Variants in C6orf89 observed in about 807,000 individuals in gnomAD.
The protein encoded by C6orf89 is bombesin receptor-activated protein C6orf89.
C6orf89 carries 29 observed loss-of-function variants against 40.7 expected under a neutral mutation model. The observed-to-expected ratio is 0.71, with a 90% CI of 0.53 to 0.97. The LOEUF is 0.97. Among genes scored for constraint, C6orf89 ranks in the 50% least tolerant of loss-of-function variants. C6orf89 has a pLI of 0.00. For missense variants in C6orf89, 392 were observed against 429.1 expected (o/e 0.91, Z 0.76); for synonymous variants, 165 against 152.2 (o/e 1.08, Z -0.62).
chr6:36,904,097 C>T (rs1583176187), intron 4 of C6orf89, among the ~76,000 whole-genome samples: 2 of 152,290 alleles, frequency 1.3e-5, no homozygotes, highest in East Asian at 3.9e-4. Flanking sequence ...CTGTCTTCCC[C>T]TCAAAGCCTC....
rs531517736 is a variant in C6orf89, at chr6:36,875,136, A to C, written c.-628+3169A>C. On this transcript the variant is annotated intron_variant, in intron 1 of 9. Transcript: ENST00000359359. The stretch of plus-strand genomic sequence containing the variant: ...TAATATTAAATTCGAAGAATTTCTT[A>C]GTCTCACAATTGGGCAGGGACGGGA... 645 of 251,410 alleles carry C rather than the reference A, an allele frequency of 2.6e-3. 2 individuals are homozygous for C. Among genetic ancestry groups the C allele is most frequent in the Non-Finnish European group, 3.7e-3 (470 of 128,116 alleles). The allele number at this position is 251,410 out of a possible 1,614,324, so 15.6% of individuals were successfully genotyped here. A position where few individuals can be genotyped will look rare whatever the true frequency, so the allele number is the denominator to read the frequency against.
chr6:36,927,207 T>A lies in C6orf89; in HGVS notation c.*3766T>A, dbSNP rs1762709272. 6.6e-6 allele frequency: 1 copy of A among 152,236 alleles called. No individual in the cohort carries two copies. The highest frequency in any genetic ancestry group is 2.1e-4 in the South Asian group (1 of 4,832). The allele number at this position is 152,236 out of a possible 1,614,324, so 9.4% of individuals were successfully genotyped here. A position where few individuals can be genotyped will look rare whatever the true frequency, so the allele number is the denominator to read the frequency against. On this transcript the variant is annotated 3_prime_UTR_variant, in exon 9 of 9. Transcript: ENST00000480824. The stretch of plus-strand genomic sequence containing the variant: ...TTTACATCACTTGTTTTTCAATTCT[T>A]GGTTTTCTGTTCCCTTCTACCAAAA...
At chr6:36,890,542 T>TG (rs938091471) in intron 1 of C6orf89, among the ~76,000 whole-genome samples, 12 of 151,996 alleles carry the variant, frequency 7.9e-5, no homozygotes, top group African/African-American at 2.9e-4. Context: ...AAAAAAAATT[T>TG]TATTCTTTTG....
At position 36,899,409 on chromosome 6, in the gene C6orf89, C is replaced by G. The variant is rs763022315; in HGVS notation, c.-19-17C>G. 6.2e-7 allele frequency: 1 copy of G among 1,610,404 alleles called. No individual in the cohort carries two copies. On this transcript the variant is annotated splice_polypyrimidine_tract_variant and intron_variant, in intron 2 of 8. Transcript: ENST00000480824. ...CCACCTTTCTTTTTACATTTATTTT[C>G]TCTCCGTCTCTCTCAGGGATTTTAT...
At position 36,894,506 on chromosome 6, in the gene C6orf89, A is replaced by G; in HGVS notation, c.-117A>G. The G allele has an allele frequency of 1.0e-6, 1 of 985,048 alleles. No homozygotes were observed. The highest frequency in any genetic ancestry group is 1.2e-6 in the Non-Finnish European group (1 of 829,568). 61.0% of individuals were successfully genotyped at this position (985,048 alleles called of 1,614,324 possible). On this transcript the variant is annotated splice_region_variant and 5_prime_UTR_variant, in exon 2 of 9. Transcript: ENST00000480824. ...TTATCCCTTTACTCTATTTGCAGGA[A>G]TCATTGTAGTCAATCATTTTCCAGT...
intron 4 of C6orf89, among the ~76,000 whole-genome samples, chr6:36,909,142 A>C (rs576043406): frequency 3.5e-5 from 5 of 144,616 alleles, no homozygotes; most frequent in African/African-American, 1.3e-4. Context: ...TGATTCTGTG[A>C]CTCTTCTATA....
Position 36,899,530 on chromosome 6 carries a change from G to C in C6orf89, c.86G>C (p.Gly29Ala). ...DLVRQTGHQC[G>A]MSEKAIEKFI... ...GTGAGACAGACCGGCCATCAGTGTG[G>C]CATGTCAGAGAAGGCAATTGAAAAA... is the stretch of plus-strand genomic sequence containing the variant. Residue 29 changes from glycine to alanine, a missense_variant, in exon 3 of 9, where the codon GGC becomes GCC. Transcript: ENST00000480824. 6.2e-7 allele frequency: 1 copy of C among 1,614,072 alleles called. No individual in the cohort carries two copies. Among genetic ancestry groups the C allele is most frequent in the South Asian group, 1.1e-5 (1 of 91,078 alleles).
At position 36,885,980 on chromosome 6, in the gene C6orf89, G is replaced by A. The variant is rs1482793852; in HGVS notation, c.-168G>A. ...AAGTTGCCCATCCTCCTCGCCCGGC[G>A]GCAGCTGTCCCCGAGGCGGGAGGAG... is the stretch of plus-strand genomic sequence containing the variant. On this transcript the variant is annotated 5_prime_UTR_variant, in exon 1 of 9. Coordinates refer to ENST00000480824, the MANE Select transcript of C6orf89 (RefSeq NM_001286635.2). 1.6e-6 allele frequency: 2 copies of A among 1,251,864 alleles called. No homozygotes were observed. The highest frequency in any genetic ancestry group is 1.7e-5 in the African/African-American group (1 of 59,712). The allele number at this position is 1,251,864 out of a possible 1,614,324, so 77.5% of individuals were successfully genotyped here.
intron 2 of C6orf89, among the ~76,000 whole-genome samples, chr6:36,895,103 A>G (rs141140742): frequency 2.8e-3 from 426 of 152,198 alleles, no homozygotes; most frequent in Middle Eastern, 0.027. Flanking sequence ...CTTCTTCCCT[A>G]TGGTGCCATG....
Position 36,923,479 on chromosome 6 carries a change from A to G in C6orf89, c.*38A>G. On this transcript the variant is annotated 3_prime_UTR_variant, in exon 9 of 9. Coordinates refer to ENST00000480824, the MANE Select transcript of C6orf89 (RefSeq NM_001286635.2). ...TGCACAGGAACAGCTTCCAGAGCCG[A>G]AAACCAGGTTGAAAGGGGAAAAATA... 6.6e-7 allele frequency: 1 copy of G among 1,519,148 alleles called. No individual in the cohort carries two copies. Among genetic ancestry groups the G allele is most frequent in the Non-Finnish European group, 9.1e-7 (1 of 1,093,556 alleles). The allele number at this position is 1,519,148 out of a possible 1,614,324, so 94.1% of individuals were successfully genotyped here. A position where few individuals can be genotyped will look rare whatever the true frequency, so the allele number is the denominator to read the frequency against.
intron 3 of C6orf89, 86 bp from the exon 4 acceptor site, chr6:36,902,135 G>C (rs1013420282): frequency 1.7e-6 from 2 of 1,146,272 alleles, no homozygotes; most frequent in African/African-American, 3.1e-5. Context: ...GGAAGTAGCA[G>C]AAGAAGCCTG....
At chr6:36,899,765 GT>G in intron 3 of C6orf89, 132 bp downstream of exon 3, 2 of 761,178 alleles carry the variant, frequency 2.6e-6, no homozygotes, top group Non-Finnish European at 4.3e-6. Context: ...CTTTGCTCTT[GT>G]TACCATGTGT....
chr6:36,909,949 T>C (rs1009200780), intron 4 of C6orf89, among the ~76,000 whole-genome samples: 1 of 152,192 alleles, frequency 6.6e-6, no homozygotes, highest in African/African-American at 2.4e-5. Flanking sequence ...TACTCATTTC[T>C]CAGTCCTCAC....
chr6:36,913,121 A>G (rs1404190928), intron 4 of C6orf89, among the ~76,000 whole-genome samples: 1 of 152,258 alleles, frequency 6.6e-6, no homozygotes, highest in Non-Finnish European at 1.5e-5. Context: ...GAAAGTAAAC[A>G]AGAAATAATG....
At position 36,914,269 on chromosome 6, in the gene C6orf89, C is replaced by A. The variant is rs772638104; in HGVS notation, c.404-15C>A. 1.9e-6 allele frequency: 3 copies of A among 1,609,282 alleles called. No homozygotes were observed. The highest frequency in any genetic ancestry group is 1.3e-5 in the African/African-American group (1 of 74,750). On this transcript the variant is annotated splice_polypyrimidine_tract_variant and intron_variant, in intron 4 of 8. Transcript: ENST00000480824. ...CTTTCAGTATCTGTTTTCTCCATAT[C>A]CCTTCCTCTCTCAGACTTTGACCCC...
upstream of C6orf89, chr6:36,885,853 T>C (rs528608817): frequency 6.3e-6 from 3 of 474,794 alleles, no homozygotes; most frequent in East Asian, 7.1e-5. Context: ...CTGAGTGTTC[T>C]GTTTTGGGCG....
chr6:36,923,886 ACT>A lies in C6orf89; in HGVS notation c.*448_*449del. 1 of 252,424 alleles carries A rather than the reference ACT, an allele frequency of 4.0e-6. No homozygotes were observed. The highest frequency in any genetic ancestry group is 7.9e-6 in the Non-Finnish European group (1 of 126,660). 15.6% of individuals were successfully genotyped at this position (252,424 alleles called of 1,614,324 possible). On this transcript the variant is annotated 3_prime_UTR_variant, in exon 9 of 9. Transcript: ENST00000480824. Reference sequence around the variant, plus strand: ...TTGTCCCTGTCTTGCCTGCCACATCACTCTACTTTTTGGAAGGCCATGGCTGA... The same window carrying A: ...TTGTCCCTGTCTTGCCTGCCACATCACTACTTTTTGGAAGGCCATGGCTGA...
At chr6:36,888,765 T>C (rs1775088402) in intron 1 of C6orf89, among the ~76,000 whole-genome samples, 1 of 152,150 alleles carries the variant, frequency 6.6e-6, no homozygotes, top group African/African-American at 2.4e-5. Context: ...GTGCTGTTAA[T>C]GTAGAGAGGA....
upstream of C6orf89, among the ~76,000 whole-genome samples, chr6:36,881,529 C>A (rs944480390): frequency 6.6e-6 from 1 of 152,148 alleles, no homozygotes; most frequent in Admixed American, 6.5e-5. Flanking sequence ...AAAAAATTAG[C>A]CAGGCGTGGT....
Sources: gnomAD v4.1 joint callset for allele counts (sites outside exome capture counted in the v4.1 genomes callset) on GRCh38, gnomAD v4.1.1 for gene constraint, MANE v1.5 for transcripts, NCBI Gene and HGNC (gene_info 2026-07-23, HGNC 2026-07-21) for gene names.